EEA1: variants seen among roughly 807,000 people sequenced by gnomAD.
EEA1 encodes the protein early endosome antigen 1, 162kD.
A neutral mutation model predicts 209.2 loss-of-function variants in EEA1; 111 were observed. That is an observed-to-expected ratio of 0.53 (90% CI 0.45 to 0.62). The LOEUF (loss-of-function observed/expected upper bound fraction) is 0.62. Ranked by LOEUF, EEA1 falls within the 20% of genes least tolerant of loss-of-function variation. The pLI is 0.00. For missense variants in EEA1, 1,343 were observed against 1,530.8 expected (o/e 0.88, Z 2.05); for synonymous variants, 536 against 540.6 (o/e 0.99, Z 0.12).
chr12:92,883,785 A>C, intron 2 of EEA1: 1 of 1,514,820 alleles, frequency 6.6e-7, no homozygotes, highest in Non-Finnish European at 9.2e-7. Context: ...TGTCTAAGTC[A>C]GAGTCTCCTA....
intron 10 of EEA1, among the ~76,000 whole-genome samples, chr12:92,837,361 T>C (rs1021471639): frequency 6.6e-5 from 10 of 152,130 alleles, no homozygotes; most frequent in African/African-American, 2.4e-4. Flanking sequence ...CACTATACTG[T>C]TCTTATCAAT....
chr12:92,878,936 C>T (rs201639260), intron 2 of EEA1, among the ~76,000 whole-genome samples: 1 of 152,122 alleles, frequency 6.6e-6, no homozygotes, highest in African/African-American at 2.4e-5. Context: ...ATAATCAATA[C>T]ACTTCCCAAA....
intron 13 of EEA1, among the ~76,000 whole-genome samples, chr12:92,820,318 C>A (rs1225835874): frequency 6.6e-6 from 1 of 152,180 alleles, no homozygotes; most frequent in Non-Finnish European, 1.5e-5. Context: ...CACCACTCTG[C>A]TGACACAGAC....
intron 1 of EEA1, among the ~76,000 whole-genome samples, chr12:92,927,487 GTTTAAC>G (rs1462075402): frequency 6.6e-6 from 1 of 152,202 alleles, no homozygotes; most frequent in African/African-American, 2.4e-5. Context: ...TAATCTCGAT[GTTTAAC>G]TTTAAACCAA....
At chr12:92,796,843 CTT>C (rs1441751456) in intron 21 of EEA1, among the ~76,000 whole-genome samples, 1 of 152,170 alleles carries the variant, frequency 6.6e-6, no homozygotes, top group Non-Finnish European at 1.5e-5. Context: ...GTACTAGAAA[CTT>C]TAAATACATT....
rs1336536011 is a variant in EEA1, at chr12:92,800,662, C to T, written c.2772+938G>A. 3.9e-5 allele frequency among the ~76,000 whole-genome samples: 6 copies of T among 152,108 alleles called. No homozygotes were observed. In the East Asian group the frequency reaches 7.7e-4, roughly 20 times the overall value. ...CATTTACTTTATTATAGTCAGTGTA[C>T]TGAGTACTTTAAAGATATTAACCCA... On this transcript the variant is annotated intron_variant, in intron 20 of 28. Coordinates refer to ENST00000322349, the MANE Select transcript of EEA1 (RefSeq NM_003566.4).
intron 1 of EEA1, among the ~76,000 whole-genome samples, chr12:92,917,050 A>T (rs1880794487): frequency 2.0e-5 from 3 of 148,458 alleles, no homozygotes; most frequent in African/African-American, 5.0e-5. Context: ...GAGAAAAAAG[A>T]ATAAAAAGAA....
chr12:92,865,497 T>G (rs1456140865), intron 2 of EEA1, among the ~76,000 whole-genome samples: 1 of 151,952 alleles, frequency 6.6e-6, no homozygotes, highest in Non-Finnish European at 1.5e-5. Context: ...CTTGCTAACC[T>G]ACAGCTAACA....
Position 92,811,461 on chromosome 12 carries a change from C to T in EEA1, c.2044-27G>A, listed in dbSNP as rs1234722867. 6 of 1,492,846 alleles carry T rather than the reference C, an allele frequency of 4.0e-6. No individual in the cohort carries two copies. The African/African-American group carries it at 7.2e-5, about 18-fold the overall frequency. 92.5% of individuals were successfully genotyped at this position (1,492,846 alleles called of 1,614,324 possible). A position where few individuals can be genotyped will look rare whatever the true frequency, so the allele number is the denominator to read the frequency against. On this transcript the variant is annotated intron_variant, in intron 16 of 28. Transcript: ENST00000322349. ...TTTAGAAAAGTACAATTGAAGAAAA[C>T]TTTGGTAAGGTTTACTATATTGTAG...
chr12:92,922,932 T>C (rs1299344129), intron 1 of EEA1, among the ~76,000 whole-genome samples: 3 of 149,430 alleles, frequency 2.0e-5, no homozygotes, highest in East Asian at 3.9e-4. Flanking sequence ...CACTTCAGCC[T>C]GGCCAACAAG....
chr12:92,889,913 C>CA (rs1205301492), intron 2 of EEA1, among the ~76,000 whole-genome samples: 2 of 151,004 alleles, frequency 1.3e-5, no homozygotes, highest in Non-Finnish European at 3.0e-5. Context: ...GACTCTGTCT[C>CA]AAAAAAAAGA....
chr12:92,892,921 C>T (rs1042235563), intron 1 of EEA1, among the ~76,000 whole-genome samples: 4 of 152,164 alleles, frequency 2.6e-5, no homozygotes, highest in Non-Finnish European at 4.4e-5. Context: ...TGAGCCACAG[C>T]GCCCAGCCGG....
rs1873580856 is a variant in EEA1 at position 92,774,686 on chromosome 12, G to A, written c.*1325C>T. The A allele has an allele frequency of 6.6e-6, 1 of 151,562 alleles. No individual in the cohort carries two copies. Among genetic ancestry groups the A allele is most frequent in the South Asian group, 2.1e-4 (1 of 4,822 alleles). 9.4% of individuals were successfully genotyped at this position (151,562 alleles called of 1,614,324 possible). On this transcript the variant is annotated 3_prime_UTR_variant, in exon 29 of 29. Coordinates refer to ENST00000322349, the MANE Select transcript of EEA1 (RefSeq NM_003566.4). ...TAGCCATGCTGTTTCAGTTTTTATT[G>A]TAACTGGGATTCCTAAATACATTTG... is the stretch of plus-strand genomic sequence containing the variant.
At chr12:92,785,402 T>C (rs1380946750) in intron 22 of EEA1, among the ~76,000 whole-genome samples, 1 of 152,196 alleles carries the variant, frequency 6.6e-6, no homozygotes, top group Non-Finnish European at 1.5e-5. Flanking sequence ...AGTAGTTAGG[T>C]ATCATGTTAC....
intron 11 of EEA1, among the ~76,000 whole-genome samples, chr12:92,829,795 A>C (rs1441977496): frequency 2.8e-5 from 4 of 140,766 alleles, no homozygotes; most frequent in Admixed American, 7.7e-5. Flanking sequence ...AAAAAAAAAA[A>C]ACAAAAAACA....
Position 92,778,076 on chromosome 12 carries a change from A to T in EEA1, c.3758T>A (p.Val1253Glu), listed in dbSNP as rs1366753538. 6 of 1,613,484 alleles carry T rather than the reference A, an allele frequency of 3.7e-6. No homozygotes were observed. Among genetic ancestry groups the T allele is most frequent in the Non-Finnish European group, 5.1e-6 (6 of 1,179,576 alleles). Residue 1253 changes from valine to glutamate, a missense_variant, in exon 26 of 29, where the codon GTG becomes GAG. Val to Glu is a moderately radical substitution (Grantham distance 121). This residue lies in a region of EEA1 where 1,307 missense variants were observed against 1,465.5 expected (regional missense o/e 0.89). Coordinates refer to ENST00000322349, the MANE Select transcript of EEA1 (RefSeq NM_003566.4). ...TTGACTAGATTGCCACTCCTTCTTC[A>T]CAGTGCCTAAGTTTTCATTTAATGC... ...ITALNENLGT[V>E]KKEWQSSQRR...
At position 92,819,355 on chromosome 12, in the gene EEA1, C is replaced by A; in HGVS notation, c.1681G>T (p.Ala561Ser). ...TTTTCTTGTAACTGGTTAAGAACAGCAGTCTCTCCTTCACCAGCCTGAATT... is the reference window on the plus strand; with the variant it reads ...TTTTCTTGTAACTGGTTAAGAACAGAAGTCTCTCCTTCACCAGCCTGAATT... ...AKIQAGEGET[A>S]VLNQLQEKNH... The change falls in exon 14 of 29, where the codon GCT becomes TCT. Residue 561 changes from alanine to serine, a missense_variant. Ala to Ser is a moderately conservative substitution (Grantham distance 99). Coordinates refer to ENST00000322349, the MANE Select transcript of EEA1 (RefSeq NM_003566.4). 6.2e-7 allele frequency: 1 copy of A among 1,612,766 alleles called. No homozygotes were observed. The highest frequency in any genetic ancestry group is 8.5e-7 in the Non-Finnish European group (1 of 1,179,402).
chr12:92,776,557 A>G (rs1873663547), intron 28 of EEA1, among the ~76,000 whole-genome samples: 1 of 151,930 alleles, frequency 6.6e-6, no homozygotes, highest in Non-Finnish European at 1.5e-5. Context: ...CCTTTAAAGA[A>G]CCCAATGATT....
At chr12:92,779,363 A>T in intron 24 of EEA1, 63 bp from the exon 25 acceptor site, 1 of 1,447,094 alleles carries the variant, frequency 6.9e-7, no homozygotes, top group Non-Finnish European at 9.2e-7. Flanking sequence ...AAATTTGGCT[A>T]AAATTTATGC....
Sources: allele counts gnomAD v4.1 joint callset (sites outside exome capture counted in the v4.1 genomes callset), GRCh38; gene constraint gnomAD v4.1.1; regional missense constraint gnomAD v4.1.1; transcripts MANE v1.5; gene names NCBI Gene and HGNC (gene_info 2026-07-23, HGNC 2026-07-21).